The following HPCAL1 variants were observed in gnomAD, a reference collection of about 807,000 sequenced individuals.
HPCAL1 encodes hippocalcin-like protein 1.
A neutral mutation model predicts 17.1 loss-of-function variants in HPCAL1; 8 were observed. That is an observed-to-expected ratio of 0.47 (90% CI 0.27 to 0.84). The LOEUF (loss-of-function observed/expected upper bound fraction) is 0.84. Ranked by LOEUF, HPCAL1 falls within the 40% of genes least tolerant of loss-of-function variation. The pLI is 0.13. For synonymous variants in HPCAL1, 112 were observed against 111.4 expected (o/e 1.01, Z -0.03); for missense variants, 165 against 271.1 (o/e 0.61, Z 2.75).
At position 10,342,442 on chromosome 2, in the gene HPCAL1, G is replaced by C. The variant is rs543995751; in HGVS notation, c.-111+39265G>C. On this transcript the variant is annotated intron_variant, in intron 1 of 4. Coordinates refer to ENST00000307845, the MANE Select transcript of HPCAL1 (RefSeq NM_002149.4). The surrounding 1 kb of genome is among the most constrained non-coding windows in gnomAD (Gnocchi z 4.1). ...CATGTGCAGTCCGTGCCTCCAGCGCGCAGCCTGAAAGGGAGGCGTGCAGAA... is the reference window on the plus strand; with the variant it reads ...CATGTGCAGTCCGTGCCTCCAGCGCCCAGCCTGAAAGGGAGGCGTGCAGAA... Among the ~76,000 whole-genome samples the C allele has an allele frequency of 6.8e-6, 1 of 147,256 alleles. No homozygotes were observed. The highest frequency in any genetic ancestry group is 2.5e-5 in the African/African-American group (1 of 40,576).
At chr2:10,411,717 T>C (rs929280906) in intron 2 of HPCAL1, among the ~76,000 whole-genome samples, 18 of 152,200 alleles carry the variant, frequency 1.2e-4, no homozygotes, top group Non-Finnish European at 2.4e-4. Context: ...TGGAATACAC[T>C]GAGCACCCCG....
chr2:10,338,227 G>A (rs1664837150), intron 1 of HPCAL1, among the ~76,000 whole-genome samples: 1 of 152,088 alleles, frequency 6.6e-6, no homozygotes, highest in South Asian at 2.1e-4. Context: ...TCTTCTGGGG[G>A]TAATGAAAAG....
chr2:10,384,274 G>T lies in HPCAL1; in HGVS notation c.-110-12561G>T, dbSNP rs559181308. On this transcript the variant is annotated intron_variant, in intron 1 of 4. Transcript: ENST00000307845. The surrounding 1 kb of genome is among the most constrained non-coding windows in gnomAD (Gnocchi z 4.4). ...CTGCTTCCCCTCACTAGGAGTGGATGGGGCTGCCAGTGGTGTTCTTGCAAA... is the reference window on the plus strand; with the variant it reads ...CTGCTTCCCCTCACTAGGAGTGGATTGGGCTGCCAGTGGTGTTCTTGCAAA... 2.7e-4 allele frequency among the ~76,000 whole-genome samples: 41 copies of T among 152,246 alleles called. No homozygotes were observed. The highest frequency in any genetic ancestry group is 5.2e-4 in the Admixed American group (8 of 15,298).
intron 4 of HPCAL1, 129 bp from the exon 5 acceptor site, chr2:10,426,595 T>A: frequency 1.3e-6 from 1 of 754,752 alleles, no homozygotes. Context: ...CTAGACACCG[T>A]CCAGCTTCAA....
intron 1 of HPCAL1, among the ~76,000 whole-genome samples, chr2:10,380,740 G>C (rs1440452902): frequency 6.6e-6 from 1 of 152,120 alleles, no homozygotes; most frequent in Non-Finnish European, 1.5e-5. Context: ...CCAGATTCCA[G>C]GTGGGGCTGG....
chr2:10,390,351 C>T (rs1297042482), intron 1 of HPCAL1, among the ~76,000 whole-genome samples: 2 of 152,258 alleles, frequency 1.3e-5, no homozygotes, highest in East Asian at 3.9e-4. Flanking sequence ...AAGAAAATGC[C>T]TCTATGAAGA....
At chr2:10,358,767 G>C (rs554933512) in intron 1 of HPCAL1, among the ~76,000 whole-genome samples, 2 of 152,274 alleles carry the variant, frequency 1.3e-5, no homozygotes, top group East Asian at 3.9e-4. Context: ...CCCATCTGCT[G>C]GGTGAGCTCA....
intron 2 of HPCAL1, among the ~76,000 whole-genome samples, chr2:10,416,026 T>C (rs1192648845): frequency 1.3e-5 from 2 of 152,206 alleles, no homozygotes; most frequent in African/African-American, 4.8e-5. Context: ...CCTGTCCTTC[T>C]GCCGTCCATC....
intron 4 of HPCAL1, chr2:10,424,402 C>A: frequency 2.3e-6 from 1 of 436,924 alleles, no homozygotes; most frequent in Non-Finnish European, 4.8e-6. Flanking sequence ...TGAGGCTGTC[C>A]GCTCCTCGTG....
chr2:10,361,021 G>A (rs937476241), intron 1 of HPCAL1, among the ~76,000 whole-genome samples: 4 of 148,304 alleles, frequency 2.7e-5, no homozygotes, highest in African/African-American at 5.0e-5. Context: ...GCTGGGATCT[G>A]TGGGAATGAC....
chr2:10,417,097 TCA>T (rs1394967433), intron 2 of HPCAL1, among the ~76,000 whole-genome samples: 1 of 151,548 alleles, frequency 6.6e-6, no homozygotes, highest in Non-Finnish European at 1.5e-5. Flanking sequence ...GCACAGTGGC[TCA>T]CACCTGTAAT....
At chr2:10,414,920 A>G (rs900725081) in intron 2 of HPCAL1, among the ~76,000 whole-genome samples, 1 of 152,196 alleles carries the variant, frequency 6.6e-6, no homozygotes, top group Non-Finnish European at 1.5e-5. Context: ...AGAGACACCT[A>G]AGACAAACCC....
At chr2:10,399,241 T>TCACCACCACCACCACCACCAC in intron 2 of HPCAL1, among the ~76,000 whole-genome samples, 1 of 12,058 alleles carries the variant, frequency 8.3e-5, no homozygotes, top group South Asian at 3.4e-3. Flanking sequence ...ACCACCACCA[T>TCACCACCACCACCACCACCAC]CACCACCACC....
rs888546305 is a variant in HPCAL1 at position 10,377,603 on chromosome 2, C to A, written c.-110-19232C>A. ...AAGCCCCCTGCCAGCTCTCGGCAGC[C>A]CCCTCCTCCCCCTGGCTCCCGTGTC... is the stretch of plus-strand genomic sequence containing the variant. On this transcript the variant is annotated intron_variant, in intron 1 of 4. Coordinates refer to ENST00000307845, the MANE Select transcript of HPCAL1 (RefSeq NM_002149.4). This position sits in a 1 kb window ranked among gnomAD's most constrained non-coding sequence, Gnocchi z 5.9. 1.3e-5 allele frequency among the ~76,000 whole-genome samples: 2 copies of A among 152,098 alleles called. No homozygotes were observed. Among genetic ancestry groups the A allele is most frequent in the African/African-American group, 4.8e-5 (2 of 41,416 alleles).
At chr2:10,321,351 C>T (rs1663657865) in intron 1 of HPCAL1, among the ~76,000 whole-genome samples, 1 of 151,958 alleles carries the variant, frequency 6.6e-6, no homozygotes, top group Non-Finnish European at 1.5e-5. Context: ...ATCCCCAACT[C>T]TGGGGATTAC....
intron 1 of HPCAL1, among the ~76,000 whole-genome samples, chr2:10,371,683 G>A (rs1448079338): frequency 6.6e-6 from 1 of 152,158 alleles, no homozygotes; most frequent in Non-Finnish European, 1.5e-5. Context: ...CTCCCTCTAA[G>A]ATTCCCTATT....
chr2:10,403,458 G>C (rs1295385537), intron 2 of HPCAL1, among the ~76,000 whole-genome samples: 1 of 1,090 alleles, frequency 9.2e-4, no homozygotes, highest in Non-Finnish European at 1.5e-3. Context: ...GTTCTTTTGT[G>C]TGTGTGTGTG....
In HPCAL1 at chr2:10,426,834, T is replaced by G; in HGVS notation, c.*13T>G. 1 of 1,607,258 alleles carries G rather than the reference T, an allele frequency of 6.2e-7. No homozygotes were observed. The highest frequency in any genetic ancestry group is 8.5e-7 in the Non-Finnish European group (1 of 1,174,620). On this transcript the variant is annotated 3_prime_UTR_variant, in exon 5 of 5. Coordinates refer to ENST00000307845, the MANE Select transcript of HPCAL1 (RefSeq NM_002149.4). ...CAGTCAGTTCTGAGCGAGCGGCCCC[T>G]GGACAGTTGCAGAGAAACACAGGCT...
At chr2:10,333,838 T>C (rs73161256) in intron 1 of HPCAL1, among the ~76,000 whole-genome samples, 5,286 of 152,184 alleles carry the variant, frequency 0.035, 298 homozygotes, top group African/African-American at 0.12. Flanking sequence ...GAAACATAGG[T>C]GAAGAGACCT....
Sources: gnomAD v4.1 joint callset for allele counts (sites outside exome capture counted in the v4.1 genomes callset) on GRCh38, gnomAD v4.1.1 for gene constraint, Gnocchi (gnomAD v3.1) non-coding constraint, MANE v1.5 for transcripts, NCBI Gene and HGNC (gene_info 2026-07-23, HGNC 2026-07-21) for gene names.